LARP1B: variants seen among roughly 807,000 people sequenced by gnomAD.
LARP1B encodes La ribonucleoprotein 1B, also known as la-related protein 1B.
Under a neutral mutation model 114.2 loss-of-function variants are expected in LARP1B, and 76 were observed. The observed-to-expected ratio is 0.67, with a 90% CI of 0.55 to 0.81. The LOEUF (loss-of-function observed/expected upper bound fraction) is 0.81. LARP1B is among the 30% of genes least tolerant of loss of function. The pLI, the probability that LARP1B is intolerant of heterozygous loss-of-function variation, is 0.00. For synonymous variants in LARP1B, 345 were observed against 348.0 expected (o/e 0.99, Z 0.10); for missense variants, 1,014 against 1,075.8 (o/e 0.94, Z 0.80).
At chr4:128,103,751 G>C (rs191412308) in intron 8 of LARP1B, among the ~76,000 whole-genome samples, 1 of 151,870 alleles carries the variant, frequency 6.6e-6, no homozygotes, top group South Asian at 2.1e-4. Flanking sequence ...TAGTAGAGAC[G>C]GGTTTTTGCC....
chr4:128,211,144 T>C lies in LARP1B; in HGVS notation c.*1091T>C. On this transcript the variant is annotated 3_prime_UTR_variant, in exon 20 of 20. Coordinates refer to ENST00000326639, the MANE Select transcript of LARP1B (RefSeq NM_018078.4). ...AAGCACTTATTCTGAATTTTTTGAA[T>C]TGATTTTTAATTATTTTTATTTAGA... 1 of 913,434 alleles carries C rather than the reference T, an allele frequency of 1.1e-6. No individual in the cohort carries two copies. 56.6% of individuals were successfully genotyped at this position (913,434 alleles called of 1,614,324 possible).
Position 128,162,276 on chromosome 4 carries a change from C to G in LARP1B, c.1607C>G (p.Pro536Arg). The G allele has an allele frequency of 6.2e-7, 1 of 1,613,194 alleles. No homozygotes were observed. The highest frequency in any genetic ancestry group is 1.1e-5 in the South Asian group (1 of 91,034). ...CTAACACCTGAACTTCCTTTTGAGC[C>G]AAACCAAGAAGTTCCTGTAGCACCT... is the stretch of plus-strand genomic sequence containing the variant. ...ENLTPELPFE[P>R]NQEVPVAPSQ... The change falls in exon 12 of 20, where the codon CCA (proline) becomes CGA (arginine). Residue 536 changes from proline (P) to arginine (R), a missense_variant. Physicochemically the swap from Pro to Arg is moderately radical, Grantham distance 103 (BLOSUM62 -2). Coordinates refer to ENST00000326639, the MANE Select transcript of LARP1B (RefSeq NM_018078.4).
chr4:128,107,985 T>C (rs1782679301), intron 9 of LARP1B: 10 of 1,527,658 alleles, frequency 6.5e-6, no homozygotes, highest in Non-Finnish European at 8.7e-6. Flanking sequence ...GAACAAATCC[T>C]GCTGCAAAAA....
chr4:128,067,339 T>G (rs1763391830), intron 1 of LARP1B, among the ~76,000 whole-genome samples: 3 of 152,202 alleles, frequency 2.0e-5, no homozygotes, highest in Non-Finnish European at 4.4e-5. Context: ...TTGGATTTAC[T>G]GTTACTCTGT....
chr4:128,139,927 C>T, intron 11 of LARP1B, among the ~76,000 whole-genome samples: 1 of 152,124 alleles, frequency 6.6e-6, no homozygotes, highest in East Asian at 1.9e-4. Context: ...CCACCATTTC[C>T]ACTCAGGAAT....
At chr4:128,209,772 T>C (rs1017170920) in intron 19 of LARP1B, 84 bp from the exon 20 acceptor site, 8 of 1,171,736 alleles carry the variant, frequency 6.8e-6, no homozygotes, top group Non-Finnish European at 7.6e-6. Flanking sequence ...TTAACTTACT[T>C]TTTTGGGGAA....
intron 11 of LARP1B, among the ~76,000 whole-genome samples, chr4:128,144,902 A>G (rs1256783066): frequency 1.3e-5 from 2 of 152,144 alleles, no homozygotes; most frequent in African/African-American, 4.8e-5. Flanking sequence ...TTAAAATCTG[A>G]CATTTGACAT....
At chr4:128,190,759 C>T (rs923895855) in intron 15 of LARP1B, among the ~76,000 whole-genome samples, 5 of 152,176 alleles carry the variant, frequency 3.3e-5, no homozygotes, top group Admixed American at 2.6e-4. Context: ...TCATAAATTA[C>T]CCAGCCTCAG....
intron 7 of LARP1B, chr4:128,092,951 C>T (rs1776409263): frequency 1.0e-6 from 1 of 985,390 alleles, no homozygotes; most frequent in South Asian, 4.7e-5. Flanking sequence ...CCAGTGTGCT[C>T]ATACAAGTGA....
At chr4:128,222,483 T>A in exon 8 of LARP1B, 1 of 402,502 alleles carries the variant, frequency 2.5e-6, no homozygotes, top group Non-Finnish European at 5.1e-6. Flanking sequence ...CAATGCCACT[T>A]CCAAGTTTGA....
intron 12 of LARP1B, among the ~76,000 whole-genome samples, chr4:128,175,724 A>G (rs527721952): frequency 6.6e-6 from 1 of 152,250 alleles, no homozygotes; most frequent in East Asian, 1.9e-4. Flanking sequence ...CAATGTGTTT[A>G]TTAATCCATT....
chr4:128,221,806 A>G (rs1180952703), intron 7 of LARP1B, among the ~76,000 whole-genome samples: 1 of 152,196 alleles, frequency 6.6e-6, no homozygotes, highest in Non-Finnish European at 1.5e-5. Context: ...CTGCTGCTCT[A>G]GAGACAGCTT....
chr4:128,201,405 A>G (rs540616213), intron 17 of LARP1B, among the ~76,000 whole-genome samples: 2 of 152,310 alleles, frequency 1.3e-5, no homozygotes, highest in Non-Finnish European at 2.9e-5. Context: ...ACATATACAT[A>G]CCCCAATTGA....
At chr4:128,066,324 C>T (rs1157373873) in intron 1 of LARP1B, among the ~76,000 whole-genome samples, 1 of 151,238 alleles carries the variant, frequency 6.6e-6, no homozygotes, top group Non-Finnish European at 1.5e-5. Flanking sequence ...CTACAGGCGC[C>T]TGCCACCATG....
chr4:128,112,457 G>A (rs1784429807), intron 9 of LARP1B, among the ~76,000 whole-genome samples: 1 of 137,414 alleles, frequency 7.3e-6, no homozygotes. Flanking sequence ...TATAGCTAAT[G>A]CTTACTCTAT....
Position 128,210,111 on chromosome 4 carries a change from T to C in LARP1B, c.*58T>C. 1 of 1,608,006 alleles carries C rather than the reference T, an allele frequency of 6.2e-7. No individual in the cohort carries two copies. The highest frequency in any genetic ancestry group is 8.5e-7 in the Non-Finnish European group (1 of 1,175,872). The stretch of plus-strand genomic sequence containing the variant: ...ATGGTGAAATGCCTGAGAAATAGAC[T>C]CTTATGAAAGTTCTTTGTCCTTGAA... On this transcript the variant is annotated 3_prime_UTR_variant, in exon 20 of 20. Transcript: ENST00000326639.
At chr4:128,187,754 T>C (rs1750842682) in intron 15 of LARP1B, among the ~76,000 whole-genome samples, 1 of 152,204 alleles carries the variant, frequency 6.6e-6, no homozygotes, top group Non-Finnish European at 1.5e-5. Context: ...TCATGTTCAA[T>C]TGTAATCCCC....
At chr4:128,173,509 G>A (rs1160112877) in intron 12 of LARP1B, among the ~76,000 whole-genome samples, 1 of 152,204 alleles carries the variant, frequency 6.6e-6, no homozygotes, top group Non-Finnish European at 1.5e-5. Context: ...AGTAGAGACT[G>A]CAGACAAGGC....
chr4:128,083,676 G>GT lies in LARP1B; in HGVS notation c.358+1371_358+1372insT, dbSNP rs1553998374. 2.8e-4 allele frequency among the ~76,000 whole-genome samples: 34 copies of GT among 123,172 alleles called. 3 individuals carry two copies. The South Asian group carries it at 8.8e-3, about 32-fold the overall frequency. The allele number at this position is 123,172 out of a possible 152,430, so 80.8% of individuals were successfully genotyped here. On this transcript the variant is annotated intron_variant, in intron 5 of 19. Coordinates refer to ENST00000326639, the MANE Select transcript of LARP1B (RefSeq NM_018078.4). ...GCGGCTGGCCAGGTGGGGGGGCTGA[G>GT]CCCCCCCACCTCCCTCCCGGACAGG...
Sources: gnomAD v4.1 joint callset for allele counts (sites outside exome capture counted in the v4.1 genomes callset) on GRCh38, gnomAD v4.1.1 for gene constraint, MANE v1.5 for transcripts, NCBI Gene and HGNC (gene_info 2026-07-23, HGNC 2026-07-21) for gene names.